The following AGBL1 variants were observed in gnomAD, a reference collection of about 807,000 sequenced individuals.
The protein encoded by AGBL1 is AGBL carboxypeptidase 1, also known as cytosolic carboxypeptidase 4.
A neutral mutation model predicts 118.9 loss-of-function variants in AGBL1; 130 were observed. That is an observed-to-expected ratio of 1.09 (90% CI 0.95 to 1.26). The LOEUF (loss-of-function observed/expected upper bound fraction) is 1.26. AGBL1 is among the 50% of genes most tolerant of loss of function. The pLI is 0.00. For synonymous variants in AGBL1, 555 were observed against 478.9 expected, an observed-to-expected ratio of 1.16 and a Z score of -2.08; for missense variants, 1,584 against 1,298.1, an observed-to-expected ratio of 1.22 and a Z score of -3.38.
chr15:86,391,308 A>G (rs947793685), intron 17 of AGBL1, among the ~76,000 whole-genome samples: 2 of 152,214 alleles, frequency 1.3e-5, no homozygotes, highest in African/African-American at 4.8e-5. Flanking sequence ...TGAAAAATGC[A>G]CAATGCATAA....
At chr15:86,347,178 A>T (rs1299732243) in intron 17 of AGBL1, among the ~76,000 whole-genome samples, 1 of 152,220 alleles carries the variant, frequency 6.6e-6, no homozygotes, top group Non-Finnish European at 1.5e-5. Flanking sequence ...TCTTTTAGCT[A>T]GCCCTGCATG....
At chr15:86,313,985 C>G (rs184898924) in intron 17 of AGBL1, among the ~76,000 whole-genome samples, 295 of 152,250 alleles carry the variant, frequency 1.9e-3, no homozygotes, top group African/African-American at 6.6e-3. Context: ...ATGATGAGCC[C>G]TACTAAATGA....
chr15:86,199,774 G>A (rs1270353048), intron 5 of AGBL1, among the ~76,000 whole-genome samples: 1 of 152,118 alleles, frequency 6.6e-6, no homozygotes, highest in East Asian at 1.9e-4. Flanking sequence ...TTTAAAATTT[G>A]CGTAGTGTTT....
intron 19 of AGBL1, among the ~76,000 whole-genome samples, chr15:86,523,848 G>A (rs2083224094): frequency 6.6e-6 from 1 of 152,090 alleles, no homozygotes; most frequent in South Asian, 2.1e-4. Flanking sequence ...AGAGAAAATG[G>A]CAGCCAAGTA....
intron 17 of AGBL1, among the ~76,000 whole-genome samples, chr15:86,386,033 A>C (rs1177559005): frequency 9.2e-4 from 2 of 2,176 alleles, no homozygotes; most frequent in Admixed American, 0.011. Flanking sequence ...TCTCCCTCTC[A>C]TCCTCCTCCT....
At chr15:86,352,179 A>G (rs1218173906) in intron 17 of AGBL1, among the ~76,000 whole-genome samples, 2 of 152,224 alleles carry the variant, frequency 1.3e-5, no homozygotes, top group South Asian at 2.1e-4. Flanking sequence ...GAACCTCACA[A>G]TGAAGGTTCG....
chr15:86,155,321 G>A (rs28571659), intron 4 of AGBL1, among the ~76,000 whole-genome samples: 9,634 of 152,132 alleles, frequency 0.063, 940 homozygotes, highest in African/African-American at 0.21. Flanking sequence ...ATGGTGGCAT[G>A]TGCCTATAGT....
chr15:86,621,045 C>G (rs1244719418), intron 21 of AGBL1, among the ~76,000 whole-genome samples: 1 of 152,174 alleles, frequency 6.6e-6, no homozygotes, highest in Non-Finnish European at 1.5e-5. Flanking sequence ...GCAACCCTTT[C>G]TATTTGGAGT....
chr15:86,678,319 A>G (rs1475053946), intron 22 of AGBL1, among the ~76,000 whole-genome samples: 4 of 152,148 alleles, frequency 2.6e-5, no homozygotes, highest in Non-Finnish European at 5.9e-5. Flanking sequence ...AGCTTTATAA[A>G]CACTTGTTCC....
intron 19 of AGBL1, among the ~76,000 whole-genome samples, chr15:86,523,534 A>G (rs888659645): frequency 6.6e-6 from 1 of 151,636 alleles, no homozygotes; most frequent in Non-Finnish European, 1.5e-5. Context: ...AACAAAGGCA[A>G]ACCCCCAGCG....
intron 20 of AGBL1, among the ~76,000 whole-genome samples, chr15:86,551,321 G>T (rs192014755): frequency 6.6e-6 from 1 of 151,862 alleles, no homozygotes; most frequent in Non-Finnish European, 1.5e-5. Context: ...TTCTTAAAAC[G>T]GTCAACAAAA....
chr15:86,260,022 T>C (rs1341401329), intron 9 of AGBL1, among the ~76,000 whole-genome samples: 1 of 152,118 alleles, frequency 6.6e-6, no homozygotes, highest in South Asian at 2.1e-4. Flanking sequence ...CAAGACAAAT[T>C]GGTAAGAGCT....
At chr15:87,007,160 G>C (rs765539621) in intron 24 of AGBL1, among the ~76,000 whole-genome samples, 6 of 151,968 alleles carry the variant, frequency 3.9e-5, no homozygotes, top group Non-Finnish European at 8.8e-5. Flanking sequence ...AAAATTGTTT[G>C]GTATTCATTT....
intron 5 of AGBL1, among the ~76,000 whole-genome samples, chr15:86,186,047 T>C (rs1016967351): frequency 3.9e-5 from 6 of 152,212 alleles, no homozygotes; most frequent in Non-Finnish European, 7.3e-5. Context: ...ATCTGGTTTA[T>C]GGGTGTCCAA....
intron 7 of AGBL1, among the ~76,000 whole-genome samples, chr15:86,249,439 A>T (rs1237535801): frequency 6.6e-6 from 1 of 152,214 alleles, no homozygotes; most frequent in Non-Finnish European, 1.5e-5. Context: ...GCTGCAAACC[A>T]ATATCTAACT....
At chr15:86,640,978 T>C (rs1301788466) in intron 21 of AGBL1, among the ~76,000 whole-genome samples, 1 of 152,110 alleles carries the variant, frequency 6.6e-6, no homozygotes, top group Non-Finnish European at 1.5e-5. Context: ...GATTTTTTTT[T>C]TTATGTGCCT....
intron 22 of AGBL1, among the ~76,000 whole-genome samples, chr15:86,808,354 C>T (rs752432676): frequency 6.6e-6 from 1 of 152,174 alleles, no homozygotes; most frequent in Non-Finnish European, 1.5e-5. Context: ...ACCTGAGGAG[C>T]TGACCAAGAT....
intron 1 of AGBL1, chr15:86,109,956 C>G (rs898638282): frequency 3.3e-5 from 5 of 152,136 alleles, no homozygotes; most frequent in Admixed American, 6.5e-5. Flanking sequence ...TAAACCCAAG[C>G]TAAATAGATC....
intron 22 of AGBL1, among the ~76,000 whole-genome samples, chr15:86,758,966 C>CAAAAAAAAAAAAAAA (rs80297816): frequency 1.2e-5 from 1 of 80,906 alleles, no homozygotes; most frequent in African/African-American, 4.4e-5. Context: ...GACACCCTGT[C>CAAAAAAAAAAAAAAA]AAAAAAAAAA....
Sources: gnomAD v4.1 joint callset for allele counts (sites outside exome capture counted in the v4.1 genomes callset) on GRCh38, gnomAD v4.1.1 for gene constraint, MANE v1.5 for transcripts, NCBI Gene and HGNC (gene_info 2026-07-23, HGNC 2026-07-21) for gene names.